Variants in DST observed in about 807,000 individuals in gnomAD.
DST encodes bullous pemphigoid antigen.
DST carries 253 observed loss-of-function variants against 875.2 expected under a neutral mutation model. The observed-to-expected ratio is 0.29, with a 90% CI of 0.26 to 0.32. The LOEUF (loss-of-function observed/expected upper bound fraction) is 0.32, where lower values mean the gene tolerates loss of function less well. Among genes scored for constraint, DST ranks in the 10% least tolerant of loss-of-function variants. DST has a pLI of 1.00. For synonymous variants in DST, 3,124 were observed against 3,197.1 expected (o/e 0.98, Z 0.77); for missense variants, 8,287 against 9,111.6 (o/e 0.91, Z 3.68).
chr6:56,652,509 G>A (rs975506579), intron 10 of DST, among the ~76,000 whole-genome samples: 1 of 152,170 alleles, frequency 6.6e-6, no homozygotes, highest in Admixed American at 6.5e-5. Context: ...GAAAGAGTGG[G>A]AGGGCTCAAA....
At chr6:56,549,067 T>C (rs1430380550) in intron 61 of DST, among the ~76,000 whole-genome samples, 1 of 152,206 alleles carries the variant, frequency 6.6e-6, no homozygotes, top group Non-Finnish European at 1.5e-5. Context: ...AGCTATTTCT[T>C]GAACTATAGA....
At chr6:56,787,207 C>A (rs1461100063) in intron 4 of DST, among the ~76,000 whole-genome samples, 2 of 152,138 alleles carry the variant, frequency 1.3e-5, no homozygotes, top group Non-Finnish European at 2.9e-5. Flanking sequence ...CTCTCAGGAG[C>A]ATGAGTTGGT....
intron 36 of DST, chr6:56,619,491 T>C: frequency 6.2e-7 from 1 of 1,612,254 alleles, no homozygotes; most frequent in Non-Finnish European, 8.5e-7. Context: ...TCTAATTCTT[T>C]CTCATCTCGA....
At chr6:56,649,472 T>A (rs924264896) in intron 12 of DST, among the ~76,000 whole-genome samples, 3 of 152,164 alleles carry the variant, frequency 2.0e-5, no homozygotes, top group Non-Finnish European at 4.4e-5. Flanking sequence ...CTAGTTGAGA[T>A]AAGAATCAGG....
chr6:56,762,893 C>T (rs1279640924), intron 4 of DST, among the ~76,000 whole-genome samples: 1 of 144,882 alleles, frequency 6.9e-6, no homozygotes, highest in African/African-American at 2.6e-5. Context: ...TCTTGTTGCC[C>T]AGGCTGGAGT....
intron 4 of DST, among the ~76,000 whole-genome samples, chr6:56,802,207 AAT>A (rs1386977646): frequency 2.0e-5 from 3 of 152,194 alleles, no homozygotes; most frequent in African/African-American, 7.2e-5. Flanking sequence ...TGGAATTAAC[AAT>A]ATGAGTACCC....
intron 92 of DST, 32 bp downstream of exon 92, chr6:56,476,117 G>T: frequency 1.3e-6 from 2 of 1,531,846 alleles, no homozygotes; most frequent in Non-Finnish European, 1.8e-6. Flanking sequence ...TGAGATAATG[G>T]TTAACAGGAG....
At chr6:56,487,856 C>A (rs1367166247) in intron 86 of DST, among the ~76,000 whole-genome samples, 1 of 152,112 alleles carries the variant, frequency 6.6e-6, no homozygotes, top group Non-Finnish European at 1.5e-5. Context: ...TACAAACTCA[C>A]AAAATATAAT....
At chr6:56,570,096 A>G in intron 53 of DST, 84 bp from the exon 54 acceptor site, 1 of 1,038,554 alleles carries the variant, frequency 9.6e-7, no homozygotes, top group Non-Finnish European at 1.4e-6. Flanking sequence ...CAATGTTAAG[A>G]AACCATCTTC....
intron 5 of DST, among the ~76,000 whole-genome samples, chr6:56,716,309 G>A (rs1394202724): frequency 6.6e-6 from 1 of 152,196 alleles, no homozygotes; most frequent in East Asian, 1.9e-4. Context: ...AGTGGAGAAA[G>A]GATAGCCTTT....
At chr6:56,852,026 A>G in intron 3 of DST, 1 of 1,431,442 alleles carries the variant, frequency 7.0e-7, no homozygotes, top group Non-Finnish European at 9.1e-7. Context: ...CATCAATGCA[A>G]CTAACTCGAA....
At chr6:56,715,474 T>C (rs563597935) in intron 5 of DST, among the ~76,000 whole-genome samples, 44 of 152,170 alleles carry the variant, frequency 2.9e-4, no homozygotes, top group Non-Finnish European at 5.6e-4. Flanking sequence ...TCTTTAGAAG[T>C]TGCCTAACTT....
chr6:56,814,139 C>T (rs985523888), intron 4 of DST, among the ~76,000 whole-genome samples: 1 of 152,002 alleles, frequency 6.6e-6, no homozygotes, highest in Non-Finnish European at 1.5e-5. Flanking sequence ...GACAAAACTA[C>T]ACATTATTAT....
At chr6:56,917,721 C>G (rs1801900326) in intron 2 of DST, among the ~76,000 whole-genome samples, 1 of 152,154 alleles carries the variant, frequency 6.6e-6, no homozygotes, top group Non-Finnish European at 1.5e-5. Flanking sequence ...ATAGCACTTA[C>G]CACAGTTTGA....
intron 9 of DST, among the ~76,000 whole-genome samples, chr6:56,676,131 A>G (rs1202690608): frequency 1.3e-5 from 2 of 152,074 alleles, no homozygotes; most frequent in East Asian, 1.9e-4. Flanking sequence ...CAGTGGGGCA[A>G]TCTCAGCTCA....
rs765503986 is a variant in DST at position 56,597,722 on chromosome 6, A to G, written c.12195+18T>C. 2 of 1,603,450 alleles carry G rather than the reference A, an allele frequency of 1.2e-6. No homozygotes were observed. Among genetic ancestry groups the G allele is most frequent in the African/African-American group, 1.3e-5 (1 of 74,722 alleles). On this transcript the variant is annotated intron_variant, in intron 47 of 103. Coordinates refer to ENST00000680361, the MANE Select transcript of DST (RefSeq NM_001374736.1). ...TGGAAATAGAATTGAACGATATCAT[A>G]TGTTTATAACAACACACCTTAACTT...
chr6:56,587,715 G>A (rs377638646), intron 49 of DST, among the ~76,000 whole-genome samples: 4 of 152,032 alleles, frequency 2.6e-5, no homozygotes, highest in Non-Finnish European at 4.4e-5. Context: ...CAGATCTCTC[G>A]GCAGAAACTC....
intron 71 of DST, among the ~76,000 whole-genome samples, 155 bp from the exon 72 acceptor site, chr6:56,515,823 G>C (rs2096575500): frequency 6.6e-6 from 1 of 151,998 alleles, no homozygotes; most frequent in Admixed American, 6.6e-5. Context: ...GATTTTAATG[G>C]TTTATACGTA....
intron 4 of DST, among the ~76,000 whole-genome samples, chr6:56,796,435 G>A (rs1273898786): frequency 6.6e-6 from 1 of 152,206 alleles, no homozygotes; most frequent in Non-Finnish European, 1.5e-5. Context: ...CCTGTCTAGT[G>A]GTAGAAACGG....
Sources: allele counts gnomAD v4.1 joint callset (sites outside exome capture counted in the v4.1 genomes callset), GRCh38; gene constraint gnomAD v4.1.1; transcripts MANE v1.5; gene names NCBI Gene and HGNC (gene_info 2026-07-23, HGNC 2026-07-21).